Variants in NR4A3 observed in about 807,000 individuals in gnomAD.
NR4A3 encodes chondrosarcoma, extraskeletal myxoid, fused to EWS.
NR4A3 carries 13 observed loss-of-function variants against 55.6 expected under a neutral mutation model. That is an observed-to-expected ratio of 0.23 (90% CI 0.15 to 0.37). The LOEUF is 0.37. Ranked by LOEUF, NR4A3 falls within the 10% of genes least tolerant of loss-of-function variation. NR4A3 has a pLI of 1.00. For missense variants in NR4A3, 646 were observed against 822.8 expected (o/e 0.79, Z 2.63); for synonymous variants, 342 against 357.9 (o/e 0.96, Z 0.50).
chr9:99,862,966 G>A (rs546258487), intron 7 of NR4A3, among the ~76,000 whole-genome samples: 1 of 152,276 alleles, frequency 6.6e-6, no homozygotes, highest in East Asian at 1.9e-4. Context: ...AGGTCAACAG[G>A]GGTTTCAAGT....
At chr9:99,840,405 T>C (rs1014580929) in intron 5 of NR4A3, among the ~76,000 whole-genome samples, 2 of 152,220 alleles carry the variant, frequency 1.3e-5, no homozygotes, top group Non-Finnish European at 2.9e-5. Flanking sequence ...TGTTGAGTTG[T>C]GAGCCATGGA....
intron 3 of NR4A3, among the ~76,000 whole-genome samples, chr9:99,830,127 T>C (rs1316394297): frequency 1.3e-5 from 2 of 152,180 alleles, no homozygotes; most frequent in East Asian, 3.8e-4. Flanking sequence ...CCTTATCCTC[T>C]AGTGCTGGAC....
At chr9:99,838,160 GTATA>G (rs1276137437) in intron 5 of NR4A3, among the ~76,000 whole-genome samples, 1 of 152,170 alleles carries the variant, frequency 6.6e-6, no homozygotes, top group Non-Finnish European at 1.5e-5. Flanking sequence ...ATACAAGTAT[GTATA>G]GATACTGGGA....
chr9:99,863,580 T>C (rs1828044593), intron 7 of NR4A3, 40 bp from the exon 8 acceptor site: 11 of 1,590,646 alleles, frequency 6.9e-6, no homozygotes, highest in Non-Finnish European at 8.5e-6. Flanking sequence ...TAAGATGTAT[T>C]TGCCTCCTAA....
chr9:99,866,560 C>CT lies in NR4A3; in HGVS notation c.*2701dup, dbSNP rs1180697223. 17 of 227,416 alleles carry CT rather than the reference C, an allele frequency of 7.5e-5. No individual in the cohort carries two copies. Among genetic ancestry groups the CT allele is most frequent in the South Asian group, 1.8e-4 (1 of 5,470 alleles). 14.1% of individuals were successfully genotyped at this position (227,416 alleles called of 1,614,324 possible). ...CAAGTCATCTTATCAACTCAACTCC[C>CT]TTTTTTTTGTCTTAATGTTGCACAT... On this transcript the variant is annotated 3_prime_UTR_variant, in exon 8 of 8. Transcript: ENST00000395097.
chr9:99,839,957 T>C lies in NR4A3; in HGVS notation c.1255-4692T>C, dbSNP rs182644528. 3.3e-5 allele frequency among the ~76,000 whole-genome samples: 5 copies of C among 152,302 alleles called. No individual in the cohort carries two copies. In the East Asian group the frequency reaches 9.7e-4, roughly 29 times the overall value. On this transcript the variant is annotated intron_variant, in intron 5 of 7. Coordinates refer to ENST00000395097, the MANE Select transcript of NR4A3 (RefSeq NM_006981.4). ...TTCCAACTCTAGGACCAGTATTCAT[T>C]GGGTGAGGTTTTCCTAAACTGGTAG...
chr9:99,828,536 G>T lies in NR4A3; in HGVS notation c.494G>T (p.Gly165Val), dbSNP rs2118517915. Residue 165 changes from glycine to valine, a missense_variant, in exon 3 of 8, where the codon GGC becomes GTC. Gly to Val is a moderately radical substitution (Grantham distance 109). Around this residue, in one of 5 missense-constraint regions of NR4A3, gnomAD observed 426 missense variants for 429.4 expected, o/e 0.99. Coordinates refer to ENST00000395097, the MANE Select transcript of NR4A3 (RefSeq NM_006981.4). This position sits in a 1 kb window ranked among gnomAD's most constrained non-coding sequence, Gnocchi z 7.7. Reference protein sequence around the residue: ...LWDEALPSAPGCIAPGPLLDP... With the variant: ...LWDEALPSAPVCIAPGPLLDP... Reference sequence around the variant, plus strand: ...GACGAGGCACTGCCCTCGGCGCCCGGCTGCATCGCACCCGGCCCGCTGCTG... The same window carrying T: ...GACGAGGCACTGCCCTCGGCGCCCGTCTGCATCGCACCCGGCCCGCTGCTG... The T allele has an allele frequency of 6.4e-7, 1 of 1,568,118 alleles. No individual in the cohort carries two copies.
intron 7 of NR4A3, among the ~76,000 whole-genome samples, chr9:99,855,688 G>T (rs939999477): frequency 3.3e-5 from 5 of 152,234 alleles, no homozygotes; most frequent in African/African-American, 9.6e-5. Flanking sequence ...ATCAGTAAAG[G>T]ATGTTGTGTA....
chr9:99,858,286 CCTAA>C (rs1827960583), intron 7 of NR4A3, among the ~76,000 whole-genome samples: 1 of 152,162 alleles, frequency 6.6e-6, no homozygotes, highest in Non-Finnish European at 1.5e-5. Context: ...TGAGCACAGA[CCTAA>C]ATATAGCTCT....
intron 2 of NR4A3, among the ~76,000 whole-genome samples, chr9:99,827,047 A>G (rs965503949): frequency 2.0e-5 from 3 of 152,218 alleles, no homozygotes; most frequent in Non-Finnish European, 2.9e-5. Context: ...TCTCTGAACA[A>G]TAGTAAGCAC....
At chr9:99,856,870 T>A (rs1313562482) in intron 7 of NR4A3, among the ~76,000 whole-genome samples, 1 of 152,224 alleles carries the variant, frequency 6.6e-6, no homozygotes, top group Non-Finnish European at 1.5e-5. Context: ...GACCACACCT[T>A]AAGTATCTAG....
chr9:99,865,325 G>C lies in NR4A3; in HGVS notation c.*1458G>C, dbSNP rs577777673. The C allele has an allele frequency of 5.2e-4, 89 of 170,608 alleles. No individual in the cohort carries two copies. The highest frequency in any genetic ancestry group is 2.0e-3 in the African/African-American group (85 of 41,716). The allele number at this position is 170,608 out of a possible 1,614,324, so 10.6% of individuals were successfully genotyped here. ...AAATATATATATATATATAAATATAGCAGGTTACATATATATATTTATAAT... is the reference window on the plus strand; with the variant it reads ...AAATATATATATATATATAAATATACCAGGTTACATATATATATTTATAAT... On this transcript the variant is annotated 3_prime_UTR_variant, in exon 8 of 8. Transcript: ENST00000395097. The surrounding 1 kb of genome is among the most constrained non-coding windows in gnomAD (Gnocchi z 4.3).
At chr9:99,827,550 A>G (rs1564029432) in intron 2 of NR4A3, among the ~76,000 whole-genome samples, 1 of 152,202 alleles carries the variant, frequency 6.6e-6, no homozygotes, top group African/African-American at 2.4e-5. Flanking sequence ...TCCCTTGGCC[A>G]CTAAATCTCT....
intron 7 of NR4A3, among the ~76,000 whole-genome samples, chr9:99,861,841 A>G (rs1178664070): frequency 1.3e-5 from 2 of 152,188 alleles, no homozygotes; most frequent in Non-Finnish European, 2.9e-5. Flanking sequence ...CTGTAATTTC[A>G]GTGCTTTGGG....
At chr9:99,829,801 G>A (rs540234339) in intron 3 of NR4A3, among the ~76,000 whole-genome samples, 3 of 152,182 alleles carry the variant, frequency 2.0e-5, no homozygotes, top group Admixed American at 6.5e-5. Flanking sequence ...TAGGCCTAAC[G>A]GAGAAATTTT....
chr9:99,838,141 A>G (rs931326074), intron 5 of NR4A3, among the ~76,000 whole-genome samples: 4 of 152,194 alleles, frequency 2.6e-5, no homozygotes, highest in Non-Finnish European at 5.9e-5. Context: ...AGTTGCTTTT[A>G]ATTTAGCAAT....
intron 7 of NR4A3, among the ~76,000 whole-genome samples, chr9:99,849,310 A>G (rs1000718399): frequency 1.3e-5 from 2 of 152,120 alleles, no homozygotes; most frequent in African/African-American, 2.4e-5. Flanking sequence ...CAGTATTCCA[A>G]ATGGAAACTG....
Position 99,828,969 on chromosome 9 carries a change from C to A in NR4A3, c.927C>A (p.Cys309Ter). The change falls in exon 3 of 8, where the codon TGC becomes TGA. Residue 309 changes from cysteine (C) to a stop codon, truncating the protein, a stop_gained. Coordinates refer to ENST00000395097, the MANE Select transcript of NR4A3 (RefSeq NM_006981.4). LOFTEE classifies it high-confidence loss of function. The surrounding 1 kb of genome is among the most constrained non-coding windows in gnomAD (Gnocchi z 7.7). ...GCCAGCACTACGGCGTGCGAACCTG[C>A]GAGGGCTGCAAGGGCTTTTTCAAGG... ...AACQHYGVRT[C>*]EGCKGFFKRT... 1 of 1,404,770 alleles carries A rather than the reference C, an allele frequency of 7.1e-7. No individual in the cohort carries two copies. Among genetic ancestry groups the A allele is most frequent in the South Asian group, 1.6e-5 (1 of 64,184 alleles). 87.0% of individuals were successfully genotyped at this position (1,404,770 alleles called of 1,614,324 possible). A position where few individuals can be genotyped will look rare whatever the true frequency, so the allele number is the denominator to read the frequency against.
intron 3 of NR4A3, among the ~76,000 whole-genome samples, chr9:99,829,748 G>A (rs1276866391): frequency 6.6e-6 from 1 of 152,138 alleles, no homozygotes; most frequent in African/African-American, 2.4e-5. Flanking sequence ...CCCTACCTCT[G>A]TATCACATGC....
Sources: gnomAD v4.1 joint callset for allele counts (sites outside exome capture counted in the v4.1 genomes callset) on GRCh38, gnomAD v4.1.1 for gene constraint, gnomAD v4.1.1 regional missense constraint, Gnocchi (gnomAD v3.1) non-coding constraint, MANE v1.5 for transcripts, NCBI Gene and HGNC (gene_info 2026-07-23, HGNC 2026-07-21) for gene names.